RDH8: variants seen among roughly 807,000 people sequenced by gnomAD.
The protein encoded by RDH8 is retinol dehydrogenase 8.
Under a neutral mutation model 22.3 loss-of-function variants are expected in RDH8, and 14 were observed. The observed-to-expected ratio is 0.63, with a 90% CI of 0.42 to 0.98. The LOEUF (loss-of-function observed/expected upper bound fraction) is 0.98, where lower values mean the gene tolerates loss of function less well. RDH8 is among the 50% of genes least tolerant of loss of function. The pLI is 0.00. For missense variants in RDH8, 389 were observed against 409.8 expected (o/e 0.95, Z 0.44); for synonymous variants, 175 against 171.7 (o/e 1.02, Z -0.15).
chr19:10,020,537 C>T (rs1250346500), intron 3 of RDH8, among the ~76,000 whole-genome samples, 172 bp from the exon 4 acceptor site: 4 of 152,000 alleles, frequency 2.6e-5, no homozygotes, highest in African/African-American at 9.7e-5. Flanking sequence ...CTTTCTGACC[C>T]CATATGACCC....
Position 10,021,433 on chromosome 19 carries a change from G to A in RDH8, c.715G>A (p.Val239Ile). The A allele has an allele frequency of 1.2e-6, 2 of 1,614,142 alleles. No individual in the cohort carries two copies. The highest frequency in any genetic ancestry group is 1.7e-6 in the Non-Finnish European group (2 of 1,180,030). ...CGTGGGACAGAACCCACAGGACGTG[G>A]TTCAGGTGAGTGAAGGGCCCAGAGC... ...CSVGQNPQDV[V>I]QAIVNVISST... Residue 239 changes from valine to isoleucine, a missense_variant, in exon 5 of 6, where the codon GTT (valine) becomes ATT (isoleucine). Physicochemically the swap from Val to Ile is conservative, Grantham distance 29. Transcript: ENST00000591589.
In RDH8 at chr19:10,021,468, T is replaced by A. The variant is rs370621897; in HGVS notation, c.720+30T>A. The A allele has an allele frequency of 6.2e-6, 10 of 1,613,758 alleles. No homozygotes were observed. The African/African-American group carries it at 1.3e-4, about 22-fold the overall frequency. On this transcript the variant is annotated intron_variant, in intron 5 of 5. Transcript: ENST00000591589. The stretch of plus-strand genomic sequence containing the variant: ...GTGAAGGGCCCAGAGCCCCAAGACG[T>A]GGCTCAGGTATGTTGCGGGGTGAGG...
rs1377285893 is a variant in RDH8 at position 10,020,702 on chromosome 19, C to T, written c.443-7C>T. ...TCAAAGAGCTCTCCTCCCTCTGACC[C>T]TCACAGGTGTCATCTTCAACGATGT... On this transcript the variant is annotated splice_region_variant and splice_polypyrimidine_tract_variant and intron_variant, in intron 3 of 5. Transcript: ENST00000591589. The T allele has an allele frequency of 6.2e-7, 1 of 1,602,518 alleles. No individual in the cohort carries two copies.
chr19:10,016,504 A>G (rs1260194079), intron 1 of RDH8, among the ~76,000 whole-genome samples: 2 of 151,170 alleles, frequency 1.3e-5, no homozygotes, highest in African/African-American at 4.9e-5. Context: ...TCTCTCACCC[A>G]GACGGTAGTG....
At chr19:10,018,421 A>G (rs2087635286) in intron 2 of RDH8, among the ~76,000 whole-genome samples, 1 of 152,206 alleles carries the variant, frequency 6.6e-6, no homozygotes, top group Admixed American at 6.5e-5. Context: ...GAAATAAGTC[A>G]TAAGGTCCCT....
intron 3 of RDH8, 96 bp from the exon 4 acceptor site, chr19:10,020,613 C>G: frequency 1.4e-6 from 1 of 739,424 alleles, no homozygotes. Context: ...TTCCCACATC[C>G]TCTTTGCTCT....
chr19:10,013,497 C>T lies in RDH8; in HGVS notation c.-1C>T, dbSNP rs763856907. ...GTCACGAGTCCAGGGAGGGGATCAACATGGCCGCTGCACCCCGGACTGTGT... is the reference window on the plus strand; with the variant it reads ...GTCACGAGTCCAGGGAGGGGATCAATATGGCCGCTGCACCCCGGACTGTGT... On this transcript the variant is annotated 5_prime_UTR_variant, in exon 1 of 6. Coordinates refer to ENST00000591589, the MANE Select transcript of RDH8 (RefSeq NM_015725.4). 6 of 1,612,632 alleles carry T rather than the reference C, an allele frequency of 3.7e-6. No individual in the cohort carries two copies. In the African/African-American group the frequency reaches 5.3e-5, roughly 14 times the overall value.
chr19:10,013,951 G>A (rs1382401221), intron 1 of RDH8, among the ~76,000 whole-genome samples: 2 of 152,052 alleles, frequency 1.3e-5, no homozygotes, highest in African/African-American at 4.8e-5. Context: ...GCAGGGGGTG[G>A]GTGGGGGTTA....
intron 3 of RDH8, among the ~76,000 whole-genome samples, chr19:10,020,362 A>AGGGAAGG (rs372028191): frequency 8.2e-6 from 1 of 121,764 alleles, no homozygotes. Context: ...GGGAGGGAGG[A>AGGGAAGG]AGGAAGGAAG....
intron 3 of RDH8, among the ~76,000 whole-genome samples, chr19:10,020,490 C>T (rs1020822082): frequency 1.3e-5 from 2 of 152,020 alleles, no homozygotes; most frequent in Non-Finnish European, 2.9e-5. Flanking sequence ...CCAGGTGGAG[C>T]TGGGAGGAGG....
At position 10,018,857 on chromosome 19, in the gene RDH8, A is replaced by C. The variant is rs1380448944; in HGVS notation, c.389A>C (p.Lys130Thr). The change falls in exon 3 of 6, where the codon AAG becomes ACG. Residue 130 changes from lysine to threonine, a missense_variant. Transcript: ENST00000591589. ...GTCAAAGCTGTGCTTCCAGGCATGA[A>C]GAGGAGGCGGCAGGGCCACATCGTG... ...RLVKAVLPGM[K>T]RRRQGHIVVI... The C allele has an allele frequency of 6.2e-7, 1 of 1,613,814 alleles. No homozygotes were observed. The highest frequency in any genetic ancestry group is 1.3e-5 in the African/African-American group (1 of 75,022).
Position 10,022,084 on chromosome 19 carries a change from A to C in RDH8, c.*335A>C. 1 of 294,806 alleles carries C rather than the reference A, an allele frequency of 3.4e-6. No homozygotes were observed. Among genetic ancestry groups the C allele is most frequent in the Non-Finnish European group, 6.4e-6 (1 of 156,206 alleles). The allele number at this position is 294,806 out of a possible 1,614,324, so 18.3% of individuals were successfully genotyped here. A position where few individuals can be genotyped will look rare whatever the true frequency, so the allele number is the denominator to read the frequency against. ...GGAAGAGACAGACTCTGCTACATTC[A>C]ACCTCGTGACTTCATGATCCTGGGC... On this transcript the variant is annotated 3_prime_UTR_variant, in exon 6 of 6. Coordinates refer to ENST00000591589, the MANE Select transcript of RDH8 (RefSeq NM_015725.4).
At chr19:10,017,888 C>T (rs966188904) in intron 2 of RDH8, among the ~76,000 whole-genome samples, 2 of 151,874 alleles carry the variant, frequency 1.3e-5, no homozygotes, top group Admixed American at 6.6e-5. Context: ...TCAAGTGATC[C>T]GCCCACCTCG....
intron 1 of RDH8, among the ~76,000 whole-genome samples, chr19:10,013,803 T>C (rs1376463767): frequency 6.6e-6 from 1 of 151,828 alleles, no homozygotes; most frequent in Non-Finnish European, 1.5e-5. Flanking sequence ...GGAGATGAAA[T>C]AGACAAAAAT....
chr19:10,021,473 C>T, intron 5 of RDH8, 35 bp downstream of exon 5: 1 of 1,613,920 alleles, frequency 6.2e-7, no homozygotes, highest in Non-Finnish European at 8.5e-7. Context: ...AGACGTGGCT[C>T]AGGTATGTTG....
rs561320787 is a variant in RDH8, at chr19:10,019,816, A to G, written c.443-893A>G. On this transcript the variant is annotated intron_variant, in intron 3 of 5. Transcript: ENST00000591589. ...GACTCTGTCTAAAAAAAATAAATAA[A>G]TAAGTAAACAAACAAACAAACAAAA... is the stretch of plus-strand genomic sequence containing the variant. 2.5e-3 allele frequency among the ~76,000 whole-genome samples: 334 copies of G among 135,182 alleles called. 1 individual carries two copies. Among genetic ancestry groups the G allele is most frequent in the Admixed American group, 3.6e-3 (47 of 13,006 alleles). 88.7% of individuals were successfully genotyped at this position (135,182 alleles called of 152,430 possible).
intron 4 of RDH8, 70 bp from the exon 5 acceptor site, chr19:10,021,185 A>T: frequency 6.7e-7 from 1 of 1,497,600 alleles, no homozygotes; most frequent in Non-Finnish European, 9.1e-7. Flanking sequence ...TAAAAAAAAA[A>T]AAAAATGGAC....
chr19:10,020,190 TACTC>T (rs2087646725), intron 3 of RDH8, among the ~76,000 whole-genome samples: 1 of 152,042 alleles, frequency 6.6e-6, no homozygotes, highest in African/African-American at 2.4e-5. Context: ...TAGTCCCAGT[TACTC>T]AGGAAGCTGA....
At position 10,021,726 on chromosome 19, in the gene RDH8, C is replaced by A. The variant is rs142611938; in HGVS notation, c.913C>A (p.Pro305Thr). Residue 305 changes from proline to threonine, a missense_variant, in exon 6 of 6, where the codon CCA becomes ACA. Transcript: ENST00000591589. Reference sequence around the variant, plus strand: ...TCAATGTCTGTCCTGCGGCTGCCTCCCAACGCGGGTGCGGCCAAGATGAGC... The same window carrying A: ...TCAATGTCTGTCCTGCGGCTGCCTCACAACGCGGGTGCGGCCAAGATGAGC... Reference protein sequence around the residue: ...GLQCLSCGCLPTRVRPR With the variant: ...GLQCLSCGCLTTRVRPR 3,632 of 1,613,834 alleles carry A rather than the reference C, an allele frequency of 2.3e-3. 5 individuals are homozygous for A. Among genetic ancestry groups the A allele is most frequent in the Non-Finnish European group, 2.9e-3 (3,452 of 1,180,042 alleles).
Sources: gnomAD v4.1 joint callset for allele counts (sites outside exome capture counted in the v4.1 genomes callset) on GRCh38, gnomAD v4.1.1 for gene constraint, MANE v1.5 for transcripts, NCBI Gene and HGNC (gene_info 2026-07-23, HGNC 2026-07-21) for gene names.